Variants in PEG3 observed in about 807,000 individuals in gnomAD.
The protein encoded by PEG3 is paternally-expressed gene 3 protein.
PEG3 carries 23 observed loss-of-function variants against 35.5 expected under a neutral mutation model. That is an observed-to-expected ratio of 0.65 (90% CI 0.47 to 0.92). PEG3 has a LOEUF of 0.92. Among genes scored for constraint, PEG3 ranks in the 40% least tolerant of loss-of-function variants. The pLI is 0.00. For synonymous variants in PEG3, 707 were observed against 697.0 expected (o/e 1.01, Z -0.23); for missense variants, 1,960 against 1,985.3 (o/e 0.99, Z 0.24).
chr19:56,835,579 C>T (rs2062010988), intron 2 of PEG3, among the ~76,000 whole-genome samples: 1 of 152,318 alleles, frequency 6.6e-6, no homozygotes, highest in East Asian at 1.9e-4. Context: ...TGTTCTCTTG[C>T]AAAAGTATAA....
Position 56,812,227 on chromosome 19 carries a change from G to C in PEG3, c.*1448C>G. 1.0e-6 allele frequency: 1 copy of C among 981,348 alleles called. No individual in the cohort carries two copies. Among genetic ancestry groups the C allele is most frequent in the Non-Finnish European group, 1.2e-6 (1 of 826,498 alleles). 60.8% of individuals were successfully genotyped at this position (981,348 alleles called of 1,614,324 possible). A position where few individuals can be genotyped will look rare whatever the true frequency, so the allele number is the denominator to read the frequency against. On this transcript the variant is annotated 3_prime_UTR_variant, in exon 10 of 10. Transcript: ENST00000326441. ...GAGGGGAAGCAAAGGAGCACAGGTA[G>C]TCCACAGAATAGGACACAAGAAACC...
rs542574595 is a variant in PEG3 at position 56,816,866 on chromosome 19, T to C, written c.1576A>G (p.Ile526Val). 4.9e-5 allele frequency: 79 copies of C among 1,614,146 alleles called. 2 individuals are homozygous for C. In the South Asian group the frequency reaches 8.6e-4, roughly 17 times the overall value. The change falls in exon 10 of 10, where the codon ATT (isoleucine) becomes GTT (valine). Residue 526 changes from isoleucine to valine, a missense_variant. Ile to Val is a conservative substitution (Grantham distance 29). Coordinates refer to ENST00000326441, the MANE Select transcript of PEG3 (RefSeq NM_006210.3). ...KSAALAEHRKIHARGYLVECK... is the reference protein window; with the variant it reads ...KSAALAEHRKVHARGYLVECK... ...TCCACAAGATAACCTCTAGCATGAATCTTCCGATGTTCAGCCAAGGCGGCA... is the reference window on the plus strand; with the variant it reads ...TCCACAAGATAACCTCTAGCATGAACCTTCCGATGTTCAGCCAAGGCGGCA...
intron 2 of PEG3, among the ~76,000 whole-genome samples, chr19:56,829,323 A>C (rs2061360598): frequency 6.7e-6 from 1 of 149,960 alleles, no homozygotes. Flanking sequence ...CAGCCTGGGC[A>C]ACAGAGCGAG....
chr19:56,813,976 T>A lies in PEG3; in HGVS notation c.4466A>T (p.Asp1489Val). The change falls in exon 10 of 10, where the codon GAC (aspartate) becomes GTC (valine). Residue 1489 changes from aspartate (D) to valine (V), a missense_variant. Coordinates refer to ENST00000326441, the MANE Select transcript of PEG3 (RefSeq NM_006210.3). ...ADEPDGVGIE[D>V]PEEGEDQEIQ... The stretch of plus-strand genomic sequence containing the variant: ...CTCTTGATCTTCACCTTCTTCTGGG[T>A]CTTCAATTCCCACACCGTCAGGCTC... The A allele has an allele frequency of 6.2e-7, 1 of 1,614,058 alleles. No individual in the cohort carries two copies. The highest frequency in any genetic ancestry group is 8.5e-7 in the Non-Finnish European group (1 of 1,179,932).
chr19:56,830,117 A>T (rs2061439280), intron 2 of PEG3, among the ~76,000 whole-genome samples: 2 of 152,214 alleles, frequency 1.3e-5, no homozygotes, highest in South Asian at 2.1e-4. Context: ...AGAACAACAG[A>T]GCACCTGTAT....
intron 2 of PEG3, among the ~76,000 whole-genome samples, chr19:56,830,218 T>C (rs1035933681): frequency 6.6e-6 from 1 of 152,212 alleles, no homozygotes; most frequent in Non-Finnish European, 1.5e-5. Context: ...ATTATTTGCA[T>C]ATAGATGCAA....
Position 56,816,846 on chromosome 19 carries a change from A to G in PEG3, c.1596T>C (p.Leu532=), listed in dbSNP as rs1417573578. 1.9e-6 allele frequency: 3 copies of G among 1,614,136 alleles called. No individual in the cohort carries two copies. The highest frequency in any genetic ancestry group is 4.5e-5 in the East Asian group (2 of 44,880). Residue 532 remains leucine (L), a synonymous_variant, in exon 10 of 10, where the codon CTT becomes CTC. Coordinates refer to ENST00000326441, the MANE Select transcript of PEG3 (RefSeq NM_006210.3). ...EHRKIHARGY[L]VECKNQECEE... ...CACATTCCTGATTCTTACATTCCAC[A>G]AGATAACCTCTAGCATGAATCTTCC...
chr19:56,821,578 T>C (rs1385527548), intron 7 of PEG3, 73 bp downstream of exon 7: 3 of 1,575,458 alleles, frequency 1.9e-6, no homozygotes, highest in South Asian at 2.2e-5. Flanking sequence ...AAACACACCA[T>C]CTGGGGAAAG....
Position 56,815,787 on chromosome 19 carries a change from G to A in PEG3, c.2655C>T (p.Gly885=), listed in dbSNP as rs757664474. ...AGTCTTCATAGTTGCGATTCTTACT[G>A]CCCCCTTCACAAGGGTTCTCTCTGG... ...IPARENPCEG[G]SKNRNYEDSV... The change falls in exon 10 of 10, where the codon GGC becomes GGT. Residue 885 remains glycine (G), a synonymous_variant. Coordinates refer to ENST00000326441, the MANE Select transcript of PEG3 (RefSeq NM_006210.3). 4 of 1,613,234 alleles carry A rather than the reference G, an allele frequency of 2.5e-6. No individual in the cohort carries two copies. The African/African-American group carries it at 5.3e-5, about 22-fold the overall frequency.
At position 56,811,408 on chromosome 19, in the gene PEG3, T is replaced by C. The variant is rs1383630163; in HGVS notation, c.*2267A>G. 2.0e-5 allele frequency: 18 copies of C among 885,050 alleles called. No individual in the cohort carries two copies. The highest frequency in any genetic ancestry group is 2.4e-5 in the Non-Finnish European group (18 of 738,444). 54.8% of individuals were successfully genotyped at this position (885,050 alleles called of 1,614,324 possible). A position where few individuals can be genotyped will look rare whatever the true frequency, so the allele number is the denominator to read the frequency against. ...ACTTTCGTGTCCTGCTTTCTCCACT[T>C]AATGTTCTGTAAATATATTTCCACG... On this transcript the variant is annotated 3_prime_UTR_variant, in exon 10 of 10. Transcript: ENST00000326441.
chr19:56,839,861 G>A (rs1275719830), intron 1 of PEG3, among the ~76,000 whole-genome samples: 1 of 149,814 alleles, frequency 6.7e-6, no homozygotes, highest in African/African-American at 2.5e-5. Flanking sequence ...ATGCCACCCA[G>A]TCACTTGAGC....
At chr19:56,824,770 T>A in intron 3 of PEG3, 29 bp from the exon 4 acceptor site, 1 of 1,023,904 alleles carries the variant, frequency 9.8e-7, no homozygotes, top group Non-Finnish European at 1.4e-6. Context: ...TATACACATG[T>A]CCCAGAAGTT....
At chr19:56,818,841 A>C in intron 7 of PEG3, 139 bp from the exon 8 acceptor site, 1 of 974,092 alleles carries the variant, frequency 1.0e-6, no homozygotes, top group Non-Finnish European at 1.5e-6. Flanking sequence ...GAGTGATCCA[A>C]GTCAAGTGTT....
chr19:56,825,265 G>A (rs865921343), intron 3 of PEG3, among the ~76,000 whole-genome samples: 1 of 152,284 alleles, frequency 6.6e-6, no homozygotes. Context: ...TATACAACAT[G>A]TAAAAAATGG....
rs1260877607 is a variant in PEG3 at position 56,817,137 on chromosome 19, G to A, written c.1305C>T (p.Ser435=). Residue 435 remains serine (S), a synonymous_variant, in exon 10 of 10, where the codon AGC becomes AGT. Transcript: ENST00000326441. ...GCTGTGACTCGGTAAAGGAGGGGGA[G>A]CTGAGGCTGCTCAGGCTGCTCACGC... The part of the protein sequence containing the change: ...AMSVSSLSSL[S]SPSFTESQPI... The A allele has an allele frequency of 1.9e-6, 3 of 1,614,166 alleles. No individual in the cohort carries two copies. Among genetic ancestry groups the A allele is most frequent in the Non-Finnish European group, 1.7e-6 (2 of 1,180,000 alleles).
intron 1 of PEG3, among the ~76,000 whole-genome samples, chr19:56,838,630 C>A (rs968989505): frequency 3.9e-5 from 6 of 152,210 alleles, no homozygotes; most frequent in African/African-American, 1.4e-4. Context: ...AAAAACACAG[C>A]GAGCGCGGTG....
intron 1 of PEG3, among the ~76,000 whole-genome samples, chr19:56,838,729 G>A (rs1160578359): frequency 1.3e-5 from 2 of 152,168 alleles, no homozygotes; most frequent in Admixed American, 6.5e-5. Flanking sequence ...CCCCAGATGC[G>A]GGGACTGAGC....
chr19:56,830,518 C>T (rs2146512147), intron 2 of PEG3, among the ~76,000 whole-genome samples: 1 of 152,296 alleles, frequency 6.6e-6, no homozygotes, highest in African/African-American at 2.4e-5. Context: ...AGATGTTCCT[C>T]TGGAAGTGGG....
Position 56,824,713 on chromosome 19 carries a change from G to A in PEG3, c.-58C>T. 4 of 1,501,392 alleles carry A rather than the reference G, an allele frequency of 2.7e-6. No individual in the cohort carries two copies. The highest frequency in any genetic ancestry group is 3.6e-6 in the Non-Finnish European group (4 of 1,104,850). The allele number at this position is 1,501,392 out of a possible 1,614,324, so 93.0% of individuals were successfully genotyped here. On this transcript the variant is annotated 5_prime_UTR_variant, in exon 4 of 10. Coordinates refer to ENST00000326441, the MANE Select transcript of PEG3 (RefSeq NM_006210.3). ...AACATGAGTCAACAGGAAAGACGCG[G>A]CAGCCTGTGACCGTCAGTACTCAGG...
Sources: gnomAD v4.1 joint callset for allele counts (sites outside exome capture counted in the v4.1 genomes callset) on GRCh38, gnomAD v4.1.1 for gene constraint, MANE v1.5 for transcripts, NCBI Gene and HGNC (gene_info 2026-07-23, HGNC 2026-07-21) for gene names.